Variants in VPS13B observed in about 807,000 individuals in gnomAD.
VPS13B encodes intermembrane lipid transfer protein VPS13B.
VPS13B carries 285 observed loss-of-function variants against 426.4 expected under a neutral mutation model. That is an observed-to-expected ratio of 0.67 (90% CI 0.61 to 0.74). VPS13B has a LOEUF of 0.74. Ranked by LOEUF, VPS13B falls within the 30% of genes least tolerant of loss-of-function variation. VPS13B has a pLI of 0.00. For missense variants in VPS13B, 4,537 were observed against 4,782.6 expected, an observed-to-expected ratio of 0.95 and a Z score of 1.51; for synonymous variants, 1,676 against 1,676.4, an observed-to-expected ratio of 1.00 and a Z score of 0.01.
In VPS13B at chr8:99,151,467, A is replaced by G. The variant is rs894488503; in HGVS notation, c.2013+3457A>G. Among the ~76,000 whole-genome samples, 4 of 152,108 alleles carry G rather than the reference A, an allele frequency of 2.6e-5. No homozygotes were observed. The East Asian group carries it at 7.7e-4, about 29-fold the overall frequency. On this transcript the variant is annotated intron_variant, in intron 14 of 61. Transcript: ENST00000357162. ...ATTATACCCAAGGTCATCAGCTTGT[A>G]TCCTTTACGAATTGGTCCATTTCAT...
At chr8:99,204,188 C>T (rs1814538525) in intron 17 of VPS13B, among the ~76,000 whole-genome samples, 2 of 152,100 alleles carry the variant, frequency 1.3e-5, no homozygotes, top group Admixed American at 6.5e-5. Context: ...AGAACAGAGG[C>T]CTCAGAAATA....
At chr8:99,610,881 C>G (rs957222187) in intron 33 of VPS13B, among the ~76,000 whole-genome samples, 1 of 152,100 alleles carries the variant, frequency 6.6e-6, no homozygotes, top group Non-Finnish European at 1.5e-5. Context: ...CTTTTATCAG[C>G]TATTTTACTA....
chr8:99,249,552 T>C (rs549612162), intron 17 of VPS13B, among the ~76,000 whole-genome samples: 89 of 150,644 alleles, frequency 5.9e-4, no homozygotes, highest in African/African-American at 2.1e-3. Flanking sequence ...GCCTCCGGAG[T>C]AGCTGGGACT....
chr8:99,530,189 A>G (rs1261738901), intron 30 of VPS13B, among the ~76,000 whole-genome samples: 2 of 152,116 alleles, frequency 1.3e-5, no homozygotes, highest in Non-Finnish European at 2.9e-5. Flanking sequence ...ATTTTTTAAT[A>G]TCTTACTTAA....
intron 30 of VPS13B, among the ~76,000 whole-genome samples, chr8:99,534,512 GGTTATAT>G (rs1423106180): frequency 6.6e-6 from 1 of 151,922 alleles, no homozygotes; most frequent in Non-Finnish European, 1.5e-5. Flanking sequence ...AATATATTTT[GGTTATAT>G]TAAGTACACT....
intron 30 of VPS13B, among the ~76,000 whole-genome samples, chr8:99,529,012 A>G (rs752024071): frequency 2.0e-5 from 3 of 152,078 alleles, no homozygotes; most frequent in Non-Finnish European, 4.4e-5. Context: ...GTAAAATAAC[A>G]TTTTAAAAAT....
chr8:99,265,988 G>C (rs1402037534), intron 17 of VPS13B, among the ~76,000 whole-genome samples: 1 of 151,996 alleles, frequency 6.6e-6, no homozygotes, highest in Non-Finnish European at 1.5e-5. Flanking sequence ...TAGTCTTTTG[G>C]TGGACTTCAG....
At chr8:99,164,942 G>C (rs920493229) in intron 15 of VPS13B, among the ~76,000 whole-genome samples, 1 of 151,812 alleles carries the variant, frequency 6.6e-6, no homozygotes, top group Non-Finnish European at 1.5e-5. Flanking sequence ...TCTCCTTCCC[G>C]TTTTGATGGC....
intron 3 of VPS13B, among the ~76,000 whole-genome samples, chr8:99,063,122 A>G (rs1844281395): frequency 6.6e-6 from 1 of 152,210 alleles, no homozygotes; most frequent in Non-Finnish European, 1.5e-5. Context: ...CCCAGTAGGA[A>G]CAGCTCCAGT....
chr8:99,737,106 CTTTTTTT>C (rs386413466), intron 39 of VPS13B, among the ~76,000 whole-genome samples: 7 of 44,372 alleles, frequency 1.6e-4, no homozygotes, highest in South Asian at 1.3e-3. Context: ...AGATGTCCTT[CTTTTTTT>C]TTTTTTTTTT....
At chr8:99,384,418 A>G (rs1814005891) in intron 20 of VPS13B, 101 bp downstream of exon 20, 1 of 997,344 alleles carries the variant, frequency 1.0e-6, no homozygotes, top group Non-Finnish European at 1.5e-6. Flanking sequence ...TAACAAATGT[A>G]CTAGATTTCC....
Position 99,706,417 on chromosome 8 carries a change from A to G in VPS13B, c.6454+6485A>G, listed in dbSNP as rs1327215183. ...CACAGCCCACATGTGTCCACATGCA[A>G]TAATGAGAAGCTTTTTTCCCAACAA... On this transcript the variant is annotated intron_variant, in intron 36 of 61. Coordinates refer to ENST00000357162, the MANE Select transcript of VPS13B (RefSeq NM_152564.5). Among the ~76,000 whole-genome samples the G allele has an allele frequency of 3.3e-5, 5 of 152,308 alleles. No individual in the cohort carries two copies. In the South Asian group the frequency reaches 8.3e-4, roughly 25 times the overall value.
At chr8:99,704,977 A>G (rs1035882177) in intron 36 of VPS13B, among the ~76,000 whole-genome samples, 3 of 152,106 alleles carry the variant, frequency 2.0e-5, no homozygotes, top group African/African-American at 7.2e-5. Flanking sequence ...AGGTGCGTTT[A>G]TGGTTTAGCA....
intron 15 of VPS13B, among the ~76,000 whole-genome samples, chr8:99,168,828 A>G (rs1812166326): frequency 6.6e-6 from 1 of 152,036 alleles, no homozygotes; most frequent in Non-Finnish European, 1.5e-5. Context: ...GATAGTAATT[A>G]CATAAGTAGG....
intron 35 of VPS13B, among the ~76,000 whole-genome samples, chr8:99,684,032 T>C (rs1258147296): frequency 6.6e-6 from 1 of 152,210 alleles, no homozygotes; most frequent in Non-Finnish European, 1.5e-5. Flanking sequence ...CCTAGAGTTA[T>C]TATAAATGGA....
chr8:99,478,729 A>G (rs113256191), intron 24 of VPS13B, among the ~76,000 whole-genome samples: 1 of 151,592 alleles, frequency 6.6e-6, no homozygotes, highest in African/African-American at 2.4e-5. Flanking sequence ...GATTACAGGC[A>G]TGAGCCACCA....
At chr8:99,847,678 G>A (rs1377883774) in intron 54 of VPS13B, among the ~76,000 whole-genome samples, 1 of 152,184 alleles carries the variant, frequency 6.6e-6, no homozygotes, top group Non-Finnish European at 1.5e-5. Flanking sequence ...CAGGTAACCT[G>A]CATGCTGAAG....
intron 33 of VPS13B, among the ~76,000 whole-genome samples, chr8:99,615,069 A>T (rs1455005147): frequency 7.0e-6 from 1 of 143,696 alleles, no homozygotes; most frequent in Admixed American, 7.3e-5. Context: ...GTGAGCCGAG[A>T]TTGCGCCATT....
chr8:99,639,626 TTA>T (rs1325143319), intron 33 of VPS13B, among the ~76,000 whole-genome samples: 2 of 149,240 alleles, frequency 1.3e-5, no homozygotes, highest in Admixed American at 6.7e-5. Context: ...ACATAAGTTG[TTA>T]TATATATATA....
Sources: gnomAD v4.1 joint callset for allele counts (sites outside exome capture counted in the v4.1 genomes callset) on GRCh38, gnomAD v4.1.1 for gene constraint, MANE v1.5 for transcripts, NCBI Gene and HGNC (gene_info 2026-07-23, HGNC 2026-07-21) for gene names.